MTMR7: variants seen among roughly 807,000 people sequenced by gnomAD.
MTMR7 encodes the protein phosphatidylinositol-3-phosphate phosphatase MTMR7.
MTMR7 carries 76 observed loss-of-function variants against 81.2 expected under a neutral mutation model. The observed-to-expected ratio is 0.94, with a 90% CI of 0.78 to 1.13. MTMR7 has a LOEUF of 1.13. MTMR7 is among the 50% of genes most tolerant of loss of function. MTMR7 has a pLI of 0.00. For missense variants in MTMR7, 1,044 were observed against 820.0 expected (o/e 1.27, Z -3.34); for synonymous variants, 372 against 289.8 (o/e 1.28, Z -2.88).
chr8:17,350,634 C>T (rs904554002), intron 4 of MTMR7, among the ~76,000 whole-genome samples: 1 of 152,160 alleles, frequency 6.6e-6, no homozygotes, highest in African/African-American at 2.4e-5. Context: ...TCTGCAGGCC[C>T]TGTGTCCATC....
At chr8:17,334,667 A>G (rs1819169572) in intron 6 of MTMR7, among the ~76,000 whole-genome samples, 1 of 152,220 alleles carries the variant, frequency 6.6e-6, no homozygotes, top group African/African-American at 2.4e-5. Context: ...AAGTGGAATC[A>G]AAAGAAGCTG....
At chr8:17,410,141 C>CAA (rs11459206) in intron 1 of MTMR7, among the ~76,000 whole-genome samples, 1 of 150,608 alleles carries the variant, frequency 6.6e-6, no homozygotes, top group Admixed American at 6.6e-5. Flanking sequence ...TAGAAAAGAG[C>CAA]AAAAAAAAAT....
intron 1 of MTMR7, among the ~76,000 whole-genome samples, chr8:17,374,367 A>G (rs1223775906): frequency 6.6e-6 from 1 of 152,164 alleles, no homozygotes; most frequent in African/African-American, 2.4e-5. Context: ...TCACGCCTGT[A>G]ATCCCAGCAC....
intron 7 of MTMR7, among the ~76,000 whole-genome samples, chr8:17,329,252 C>G (rs1238717127): frequency 1.3e-5 from 2 of 152,180 alleles, no homozygotes; most frequent in African/African-American, 4.8e-5. Context: ...GATTGCAACA[C>G]TTCATCATCA....
chr8:17,387,823 G>A (rs1227100829), intron 1 of MTMR7, among the ~76,000 whole-genome samples: 4 of 152,120 alleles, frequency 2.6e-5, no homozygotes, highest in African/African-American at 9.7e-5. Context: ...AAGGATTATT[G>A]TATCTAGTTT....
intron 4 of MTMR7, among the ~76,000 whole-genome samples, chr8:17,358,588 T>C (rs1468607872): frequency 1.3e-5 from 2 of 152,184 alleles, no homozygotes; most frequent in African/African-American, 2.4e-5. Context: ...AAAATACTTA[T>C]TAAAAATAGA....
At chr8:17,324,885 C>A (rs1586188394) in intron 7 of MTMR7, among the ~76,000 whole-genome samples, 1 of 152,252 alleles carries the variant, frequency 6.6e-6, no homozygotes, top group South Asian at 2.1e-4. Context: ...AAAACTGAGA[C>A]TACAGAAAGC....
intron 1 of MTMR7, among the ~76,000 whole-genome samples, chr8:17,384,273 T>A (rs1251626974): frequency 6.6e-6 from 1 of 152,048 alleles, no homozygotes; most frequent in African/African-American, 2.4e-5. Context: ...TATCTAGGCA[T>A]AGTGGCAGGC....
chr8:17,392,181 T>G (rs1210481062), intron 1 of MTMR7, among the ~76,000 whole-genome samples: 1 of 152,136 alleles, frequency 6.6e-6, no homozygotes, highest in Non-Finnish European at 1.5e-5. Context: ...AAAAATAAGC[T>G]TTAAATAAGG....
chr8:17,373,254 C>T lies in MTMR7; in HGVS notation c.25-14G>A. On this transcript the variant is annotated splice_polypyrimidine_tract_variant and intron_variant, in intron 1 of 13. Transcript: ENST00000180173. Reference sequence around the variant, plus strand: ...GACATTTTCAACCTAGAGAAATCGGCATGATGAAAAGAGTTACCGTAAAGC... The same window carrying T: ...GACATTTTCAACCTAGAGAAATCGGTATGATGAAAAGAGTTACCGTAAAGC... 1 of 1,606,746 alleles carries T rather than the reference C, an allele frequency of 6.2e-7. No individual in the cohort carries two copies. Among genetic ancestry groups the T allele is most frequent in the Non-Finnish European group, 8.5e-7 (1 of 1,176,706 alleles).
chr8:17,317,119 C>G (rs1262465442), intron 7 of MTMR7, among the ~76,000 whole-genome samples: 1 of 152,038 alleles, frequency 6.6e-6, no homozygotes, highest in Non-Finnish European at 1.5e-5. Context: ...TTAGAATTTG[C>G]TTGCTTATAT....
intron 12 of MTMR7, among the ~76,000 whole-genome samples, 164 bp downstream of exon 12, chr8:17,304,215 C>G (rs1817305862): frequency 1.3e-5 from 2 of 152,312 alleles, no homozygotes; most frequent in South Asian, 2.1e-4. Flanking sequence ...AGAGGAGTCA[C>G]TGGCAAAAAT....
In MTMR7 at chr8:17,302,171, G is replaced by A. The variant is rs753393049; in HGVS notation, c.1603C>T (p.Leu535=). The A allele has an allele frequency of 6.2e-7, 1 of 1,614,114 alleles. No homozygotes were observed. Among genetic ancestry groups the A allele is most frequent in the South Asian group, 1.1e-5 (1 of 91,090 alleles). The change falls in exon 13 of 14, where the codon CTA becomes TTA. Residue 535 remains leucine (L), a synonymous_variant. Transcript: ENST00000180173. ...KEETQQLEEE[L]EALEERLEKI... The stretch of plus-strand genomic sequence containing the variant: ...TGTCTTACTTCTTCCAGGGCCTCTA[G>A]TTCTTCCTCTAGCTGCTGAGTTTCT...
chr8:17,361,427 T>C (rs1406162446), intron 3 of MTMR7, among the ~76,000 whole-genome samples, 153 bp from the exon 4 acceptor site: 1 of 152,156 alleles, frequency 6.6e-6, no homozygotes, highest in Non-Finnish European at 1.5e-5. Flanking sequence ...GTGCAGTGGA[T>C]AGGGTCCCCC....
intron 1 of MTMR7, among the ~76,000 whole-genome samples, chr8:17,378,845 GC>G (rs1246869249): frequency 6.6e-6 from 1 of 152,130 alleles, no homozygotes; most frequent in Non-Finnish European, 1.5e-5. Flanking sequence ...CTGCCTCTTA[GC>G]ATCACTGATG....
At chr8:17,306,390 GAA>G (rs772416803) in intron 10 of MTMR7, among the ~76,000 whole-genome samples, 5 of 146,248 alleles carry the variant, frequency 3.4e-5, no homozygotes, top group Admixed American at 3.4e-4. Flanking sequence ...AAGACAACTT[GAA>G]AAAAAAAAAT....
At chr8:17,344,182 C>T (rs1380908971) in intron 5 of MTMR7, among the ~76,000 whole-genome samples, 1 of 152,148 alleles carries the variant, frequency 6.6e-6, no homozygotes, top group Non-Finnish European at 1.5e-5. Flanking sequence ...AAGTAACATA[C>T]TCAAAGTCAC....
rs1387969037 is a variant in MTMR7 at position 17,299,649 on chromosome 8, A to ATAAT, written c.*209_*212dup. The ATAAT allele has an allele frequency of 1.1e-5, 7 of 613,170 alleles. No homozygotes were observed. The Admixed American group carries it at 2.1e-4, about 19-fold the overall frequency. The allele number at this position is 613,170 out of a possible 1,614,324, so 38.0% of individuals were successfully genotyped here. On this transcript the variant is annotated 3_prime_UTR_variant, in exon 14 of 14. Transcript: ENST00000180173. ...TCTAGGGTGAGCTTCAAAATGGTGA[A>ATAAT]TAATTTTCCTTATATTTGATAAATG...
intron 7 of MTMR7, among the ~76,000 whole-genome samples, chr8:17,319,989 TA>T (rs1167829311): frequency 1.3e-5 from 2 of 152,192 alleles, no homozygotes. Flanking sequence ...GCTGTAAGTG[TA>T]AAATATGAAT....
Sources: gnomAD v4.1 joint callset for allele counts (sites outside exome capture counted in the v4.1 genomes callset) on GRCh38, gnomAD v4.1.1 for gene constraint, MANE v1.5 for transcripts, NCBI Gene and HGNC (gene_info 2026-07-23, HGNC 2026-07-21) for gene names.